HIBCH: variants seen among roughly 807,000 people sequenced by gnomAD.
HIBCH encodes 3-hydroxyisobutyryl-CoA hydrolase, mitochondrial.
In HIBCH, 50 loss-of-function variants were observed where a neutral mutation model predicts 58.2. That is an observed-to-expected ratio of 0.86 (90% CI 0.68 to 1.09). The LOEUF (loss-of-function observed/expected upper bound fraction) is 1.09, where lower values mean the gene tolerates loss of function less well. Among genes scored for constraint, HIBCH ranks in the 50% least tolerant of loss-of-function variants. HIBCH has a pLI of 0.00. For synonymous variants in HIBCH, 151 were observed against 146.9 expected (o/e 1.03, Z -0.20); for missense variants, 450 against 449.7 (o/e 1.00, Z -0.01).
chr2:190,292,671 T>C lies in HIBCH; in HGVS notation c.304+1875A>G, dbSNP rs74961176. On this transcript the variant is annotated intron_variant, in intron 4 of 13. Transcript: ENST00000359678. ...ACTTTTATCATTCTGAGGTTTCACT[T>C]ATACCTAAACAAACAAACAAACAAA... Among the ~76,000 whole-genome samples the C allele has an allele frequency of 2.5e-3, 374 of 152,328 alleles. 3 individuals are homozygous for C. Among genetic ancestry groups the C allele is most frequent in the African/African-American group, 8.7e-3 (362 of 41,572 alleles).
intron 6 of HIBCH, among the ~76,000 whole-genome samples, chr2:190,283,859 G>A (rs1687767928): frequency 6.6e-6 from 1 of 152,134 alleles, no homozygotes; most frequent in Admixed American, 6.6e-5. Context: ...TCCCAAGGAT[G>A]GTACATAACT....
chr2:190,239,338 C>T (rs1383599304), intron 11 of HIBCH, among the ~76,000 whole-genome samples: 1 of 152,156 alleles, frequency 6.6e-6, no homozygotes, highest in African/African-American at 2.4e-5. Context: ...TGTTTTGGTA[C>T]CACTATACCA....
intron 7 of HIBCH, among the ~76,000 whole-genome samples, chr2:190,255,060 T>A (rs1178986037): frequency 6.6e-6 from 1 of 152,222 alleles, no homozygotes; most frequent in Non-Finnish European, 1.5e-5. Context: ...CCAATCTCAC[T>A]GCTTCTACTC....
intron 11 of HIBCH, among the ~76,000 whole-genome samples, chr2:190,242,842 G>A (rs1686491717): frequency 6.6e-6 from 1 of 152,142 alleles, no homozygotes. Flanking sequence ...TGTGACATAA[G>A]ATTTACTGAC....
chr2:190,208,187 T>C (rs1399602367), intron 13 of HIBCH, among the ~76,000 whole-genome samples: 1 of 152,228 alleles, frequency 6.6e-6, no homozygotes, highest in Non-Finnish European at 1.5e-5. Context: ...ATGTTACTAA[T>C]GACATCATAT....
At position 190,246,164 on chromosome 2, in the gene HIBCH, T is replaced by C; in HGVS notation, c.799A>G (p.Lys267Glu). 6.3e-7 allele frequency: 1 copy of C among 1,579,450 alleles called. No homozygotes were observed. Among genetic ancestry groups the C allele is most frequent in the Non-Finnish European group, 8.7e-7 (1 of 1,149,324 alleles). ...KSFILEEHMD[K>E]INSCFSANTV... ...TCTCTTTTTAGGTACCTGTTTATTT[T>C]GTCCATGTGTTCCTCAAGTATAAAA... Residue 267 changes from lysine (K) to glutamate (E), a missense_variant, in exon 10 of 14, where the codon AAA becomes GAA. Physicochemically the swap from Lys to Glu is moderately conservative, Grantham distance 56. Transcript: ENST00000359678.
intron 2 of HIBCH, among the ~76,000 whole-genome samples, chr2:190,301,309 G>C (rs996300352): frequency 1.9e-4 from 29 of 152,126 alleles, no homozygotes; most frequent in Admixed American, 1.4e-3. Flanking sequence ...TTCTAGTGGG[G>C]GAAGGAAATA....
intron 11 of HIBCH, among the ~76,000 whole-genome samples, chr2:190,221,560 C>T (rs1002133147): frequency 3.9e-5 from 6 of 152,156 alleles, no homozygotes; most frequent in Admixed American, 1.3e-4. Flanking sequence ...ACAGAAATTC[C>T]GGGAAGAGGG....
chr2:190,252,266 G>A lies in HIBCH; in HGVS notation c.559C>T (p.Leu187Phe), dbSNP rs779021872. ...AGGAAGTAACCAAGTTTTCCTTGGA[G>A]TCGTGGCAAGAAATAACCTCCACCC... is the stretch of plus-strand genomic sequence containing the variant. ...DVGGGYFLPR[L>F]QGKLGYFLAL... The change falls in exon 8 of 14, where the codon CTC becomes TTC. Residue 187 changes from leucine to phenylalanine, a missense_variant. Leu to Phe is a conservative substitution (Grantham distance 22). Coordinates refer to ENST00000359678, the MANE Select transcript of HIBCH (RefSeq NM_014362.4). 23 of 1,613,402 alleles carry A rather than the reference G, an allele frequency of 1.4e-5. No individual in the cohort carries two copies. In the South Asian group the frequency reaches 2.4e-4, roughly 17 times the overall value.
chr2:190,312,064 G>A (rs1208601432), intron 1 of HIBCH, among the ~76,000 whole-genome samples: 1 of 152,112 alleles, frequency 6.6e-6, no homozygotes, highest in African/African-American at 2.4e-5. Flanking sequence ...CTTCAGAACG[G>A]TGTACTCAAG....
chr2:190,199,732 A>AT, downstream of HIBCH: 1 of 1,494,140 alleles, frequency 6.7e-7, no homozygotes, highest in Non-Finnish European at 8.9e-7. Flanking sequence ...GAAAGGGAAC[A>AT]TTGATTACTG....
chr2:190,244,740 T>G, intron 11 of HIBCH, 147 bp downstream of exon 11: 1 of 739,214 alleles, frequency 1.4e-6, no homozygotes, highest in Non-Finnish European at 2.5e-6. Flanking sequence ...GGAACTGATT[T>G]CTGAAGCTCA....
intron 8 of HIBCH, among the ~76,000 whole-genome samples, chr2:190,250,851 A>G (rs1355333200): frequency 1.3e-5 from 2 of 152,254 alleles, no homozygotes; most frequent in Admixed American, 6.5e-5. Context: ...GCCAATTTAT[A>G]AAGTTTATGA....
intron 7 of HIBCH, among the ~76,000 whole-genome samples, chr2:190,252,767 A>G (rs532319515): frequency 6.6e-6 from 1 of 152,372 alleles, no homozygotes; most frequent in Admixed American, 6.5e-5. Flanking sequence ...AATATTCAAG[A>G]TGTTTAAATA....
rs540909695 is a variant in HIBCH, at chr2:190,264,940, C to T, written c.439-3706G>A. On this transcript the variant is annotated intron_variant, in intron 6 of 13. Coordinates refer to ENST00000359678, the MANE Select transcript of HIBCH (RefSeq NM_014362.4). ...GAGTTCGAGATCAGCCTAGCCAACA[C>T]GGTGAAACCCTGTCTCTACTAAAAC... Among the ~76,000 whole-genome samples the T allele has an allele frequency of 8.6e-5, 13 of 151,836 alleles. 1 individual carries two copies. Among genetic ancestry groups the T allele is most frequent in the African/African-American group, 2.7e-4 (11 of 41,392 alleles).
chr2:190,298,214 A>G (rs1476561677), intron 2 of HIBCH, among the ~76,000 whole-genome samples: 1 of 152,180 alleles, frequency 6.6e-6, no homozygotes, highest in Non-Finnish European at 1.5e-5. Context: ...TGCAATAAAC[A>G]TATGTGTACA....
Position 190,254,537 on chromosome 2 carries a change from T to A in HIBCH, c.518-2230A>T, listed in dbSNP as rs1259634692. ...CACTCATGCCTTCTCCCGTGAACAC[T>A]GAACTCTTAGATCTGCCACCTAAAC... On this transcript the variant is annotated intron_variant, in intron 7 of 13. Transcript: ENST00000359678. The surrounding 1 kb of genome is among the most constrained non-coding windows in gnomAD (Gnocchi z 5.0). 2.0e-5 allele frequency among the ~76,000 whole-genome samples: 3 copies of A among 152,250 alleles called. No individual in the cohort carries two copies. Among genetic ancestry groups the A allele is most frequent in the African/African-American group, 7.2e-5 (3 of 41,466 alleles).
chr2:190,210,255 G>C lies in HIBCH; in HGVS notation c.1012-1342C>G, dbSNP rs1690486087. 4.6e-5 allele frequency among the ~76,000 whole-genome samples: 7 copies of C among 151,960 alleles called. No homozygotes were observed. Among genetic ancestry groups the C allele is most frequent in the Admixed American group, 4.6e-4 (7 of 15,254 alleles). The stretch of plus-strand genomic sequence containing the variant: ...CTTGCCAAAACCACCCATGACATCG[G>C]CATCGCCAAGGTCAAATGACACTTC... On this transcript the variant is annotated intron_variant, in intron 12 of 13. Coordinates refer to ENST00000359678, the MANE Select transcript of HIBCH (RefSeq NM_014362.4). The surrounding 1 kb of genome is among the most constrained non-coding windows in gnomAD (Gnocchi z 5.5).
At position 190,296,950 on chromosome 2, in the gene HIBCH, T is replaced by A; in HGVS notation, c.82A>T (p.Met28Leu). 6.2e-7 allele frequency: 1 copy of A among 1,614,104 alleles called. No homozygotes were observed. The highest frequency in any genetic ancestry group is 8.5e-7 in the Non-Finnish European group (1 of 1,179,986). ...RTNTILHHLR[M>L]SKHTDAAEEV... is the part of the protein sequence containing the mutation. ...TCTGCTGCATCTGTGTGCTTGGACA[T>A]TCTCTGTATAAACAAAGAATAACTT... Residue 28 changes from methionine to leucine, a missense_variant, in exon 3 of 14, where the codon ATG becomes TTG. Physicochemically the swap from Met to Leu is conservative, Grantham distance 15. Coordinates refer to ENST00000359678, the MANE Select transcript of HIBCH (RefSeq NM_014362.4).
Sources: allele counts gnomAD v4.1 joint callset (sites outside exome capture counted in the v4.1 genomes callset), GRCh38; gene constraint gnomAD v4.1.1; non-coding constraint Gnocchi (gnomAD v3.1); transcripts MANE v1.5; gene names NCBI Gene and HGNC (gene_info 2026-07-23, HGNC 2026-07-21).